Variants in SLC24A2 observed in about 807,000 individuals in gnomAD.
The protein encoded by SLC24A2 is solute carrier family 24 member 2, also known as sodium/potassium/calcium exchanger 2.
In SLC24A2, 36 loss-of-function variants were observed where a neutral mutation model predicts 62.0. The observed-to-expected ratio is 0.58, with a 90% CI of 0.44 to 0.77. The LOEUF is 0.77. SLC24A2 is among the 30% of genes least tolerant of loss of function. The probability of loss-of-function intolerance (pLI) is 0.00; values close to 1 mark genes in which losing one functional copy is unlikely to be tolerated. For synonymous variants in SLC24A2, 358 were observed against 294.0 expected (o/e 1.22, Z -2.23); for missense variants, 846 against 817.9 (o/e 1.03, Z -0.42).
chr9:19,934,200 C>A, the SLC24A2 span, among the ~76,000 whole-genome samples: 1 of 152,198 alleles, frequency 6.6e-6, no homozygotes, highest in East Asian at 1.9e-4. This position sits in a 1 kb window ranked among gnomAD's most constrained non-coding sequence, Gnocchi z 4.1. Context: ...ATGACGCCTA[C>A]AGCCTGGCTC....
intron 2 of SLC24A2, among the ~76,000 whole-genome samples, chr9:19,631,936 T>C (rs777630167): frequency 6.6e-6 from 1 of 152,162 alleles, no homozygotes; most frequent in Non-Finnish European, 1.5e-5. Context: ...AGGGGTCCTC[T>C]GTTTTGGCTG....
the SLC24A2 span, among the ~76,000 whole-genome samples, chr9:19,919,826 T>C: frequency 6.6e-6 from 1 of 152,028 alleles, no homozygotes; most frequent in Non-Finnish European, 1.5e-5. Context: ...GAAAACTCAC[T>C]AGAACAGCAT....
chr9:20,142,107 A>G, the SLC24A2 span, among the ~76,000 whole-genome samples: 2 of 152,128 alleles, frequency 1.3e-5, no homozygotes, highest in African/African-American at 4.8e-5. Context: ...TTATTATTTA[A>G]AGAGTTCGAT....
intron 2 of SLC24A2, among the ~76,000 whole-genome samples, chr9:19,721,514 A>G (rs933305252): frequency 1.1e-4 from 16 of 152,296 alleles, no homozygotes; most frequent in African/African-American, 3.6e-4. Context: ...TTCCTTTTTC[A>G]CAATGAAGTT....
At chr9:20,269,076 G>A in the SLC24A2 span, among the ~76,000 whole-genome samples, 1 of 152,160 alleles carries the variant, frequency 6.6e-6, no homozygotes, top group Middle Eastern at 3.2e-3. Flanking sequence ...CAATTTAAAA[G>A]TGACCTCAAT....
the SLC24A2 span, among the ~76,000 whole-genome samples, chr9:19,856,566 G>C: frequency 6.6e-6 from 1 of 152,054 alleles, no homozygotes; most frequent in Non-Finnish European, 1.5e-5. Flanking sequence ...GTGGTTTTCT[G>C]AGGGTCCACT....
chr9:20,092,901 G>T, the SLC24A2 span, among the ~76,000 whole-genome samples: 1 of 152,104 alleles, frequency 6.6e-6, no homozygotes, highest in Non-Finnish European at 1.5e-5. Flanking sequence ...TGGTTGCCAG[G>T]GACTGGGTGG....
intron 10 of SLC24A2, among the ~76,000 whole-genome samples, chr9:19,520,135 G>A (rs189948995): frequency 1.2e-4 from 18 of 152,284 alleles, no homozygotes; most frequent in Non-Finnish European, 2.1e-4. Flanking sequence ...TGAGAAAGTA[G>A]GTGTTTTTAG....
At chr9:19,585,217 T>C (rs1373088481) in intron 5 of SLC24A2, among the ~76,000 whole-genome samples, 1 of 152,208 alleles carries the variant, frequency 6.6e-6, no homozygotes, top group Non-Finnish European at 1.5e-5. Flanking sequence ...ACCTGTCTTG[T>C]CTCTCTTACT....
chr9:20,095,327 C>T, the SLC24A2 span, among the ~76,000 whole-genome samples: 6 of 152,200 alleles, frequency 3.9e-5, no homozygotes, highest in East Asian at 1.9e-4. Flanking sequence ...TAATTTTATC[C>T]GTCAACTTGA....
At chr9:20,168,076 G>GA in the SLC24A2 span, among the ~76,000 whole-genome samples, 25 of 152,002 alleles carry the variant, frequency 1.6e-4, no homozygotes, top group African/African-American at 5.5e-4. Context: ...AAATGGTACA[G>GA]AAAAAATGTA....
chr9:19,803,421 G>A, the SLC24A2 span, among the ~76,000 whole-genome samples: 1 of 152,106 alleles, frequency 6.6e-6, no homozygotes, highest in East Asian at 1.9e-4. Flanking sequence ...GATGGTGCTT[G>A]AGAAAAATTG....
the SLC24A2 span, among the ~76,000 whole-genome samples, chr9:19,865,204 G>T: frequency 6.6e-6 from 1 of 151,984 alleles, no homozygotes; most frequent in Non-Finnish European, 1.5e-5. Flanking sequence ...AAATGGAAAG[G>T]TATTCCATGT....
chr9:19,605,460 A>G (rs926746682), intron 4 of SLC24A2, among the ~76,000 whole-genome samples: 5 of 152,222 alleles, frequency 3.3e-5, no homozygotes, highest in African/African-American at 1.2e-4. Context: ...CTGTAAATAC[A>G]GAGATTAAAA....
the SLC24A2 span, among the ~76,000 whole-genome samples, chr9:20,286,853 G>C: frequency 6.6e-6 from 1 of 152,136 alleles, no homozygotes; most frequent in Non-Finnish European, 1.5e-5. Flanking sequence ...ACTTGTCCAA[G>C]GACACATTGA....
At chr9:20,235,836 G>A in the SLC24A2 span, among the ~76,000 whole-genome samples, 1 of 152,214 alleles carries the variant, frequency 6.6e-6, no homozygotes, top group Non-Finnish European at 1.5e-5. Context: ...GCTGGGAGCT[G>A]TAGACCGGAG....
At chr9:20,263,507 C>A in the SLC24A2 span, among the ~76,000 whole-genome samples, 1 of 152,130 alleles carries the variant, frequency 6.6e-6, no homozygotes, top group Non-Finnish European at 1.5e-5. Flanking sequence ...CCTCGGCCCC[C>A]CAAAAGCGTT....
chr9:19,819,643 C>G, the SLC24A2 span, among the ~76,000 whole-genome samples: 1 of 151,980 alleles, frequency 6.6e-6, no homozygotes, highest in Non-Finnish European at 1.5e-5. Flanking sequence ...AACTGCAAAT[C>G]AAAACCACAA....
chr9:19,556,535 C>T (rs944229585), intron 7 of SLC24A2, among the ~76,000 whole-genome samples: 2 of 152,124 alleles, frequency 1.3e-5, no homozygotes, highest in African/African-American at 4.8e-5. Context: ...GTAATAACAT[C>T]TCATCACCAG....
Sources: allele counts gnomAD v4.1 joint callset (sites outside exome capture counted in the v4.1 genomes callset), GRCh38; gene constraint gnomAD v4.1.1; non-coding constraint Gnocchi (gnomAD v3.1); transcripts MANE v1.5; gene names NCBI Gene and HGNC (gene_info 2026-07-23, HGNC 2026-07-21).